Variants in STK11IP observed in about 807,000 individuals in gnomAD.
STK11IP encodes the protein serine/threonine kinase 11 interacting protein.
In STK11IP, 103 loss-of-function variants were observed where a neutral mutation model predicts 131.7. That is an observed-to-expected ratio of 0.78 (90% CI 0.67 to 0.92). The LOEUF (loss-of-function observed/expected upper bound fraction) is 0.92. Among genes scored for constraint, STK11IP ranks in the 40% least tolerant of loss-of-function variants. STK11IP has a pLI of 0.00. For missense variants in STK11IP, 1,315 were observed against 1,385.7 expected (o/e 0.95, Z 0.81); for synonymous variants, 557 against 575.6 (o/e 0.97, Z 0.46).
chr2:219,601,670 A>G lies in STK11IP; in HGVS notation c.297A>G (p.Thr99=), dbSNP rs1300989065. The G allele has an allele frequency of 1.3e-6, 2 of 1,599,902 alleles. No homozygotes were observed. Among genetic ancestry groups the G allele is most frequent in the Admixed American group, 1.7e-5 (1 of 57,934 alleles). Residue 99 remains threonine (T), a synonymous_variant, in exon 4 of 25, where the codon ACA becomes ACG. Transcript: ENST00000456909. Reference sequence around the variant, plus strand: ...TCCATGTTGCTGGTCCTGGCCCCACAGGGCCCATCAAGATTTTCCCCTTCA... The same window carrying G: ...TCCATGTTGCTGGTCCTGGCCCCACGGGGCCCATCAAGATTTTCCCCTTCA... ...KLVHVAGPGP[T]GPIKIFPFKS... is the part of the protein sequence containing the mutation.
At position 219,616,156 on chromosome 2, in the gene STK11IP, G is replaced by A. The variant is rs369526623; in HGVS notation, c.3230G>A (p.Arg1077Gln). Residue 1077 changes from arginine to glutamine, a missense_variant, in exon 25 of 25, where the codon CGG becomes CAG. By Grantham distance (43) the Arg-to-Gln change is conservative. Transcript: ENST00000456909. ...GAGGAGCTGTTTTCCATCGGACTCCGGACAGTGATCCAAGAGGCGCTGGCC... is the reference window on the plus strand; with the variant it reads ...GAGGAGCTGTTTTCCATCGGACTCCAGACAGTGATCCAAGAGGCGCTGGCC... ...PWEELFSIGLRTVIQEALALD... is the reference protein window; with the variant it reads ...PWEELFSIGLQTVIQEALALD... 8.7e-6 allele frequency: 14 copies of A among 1,613,704 alleles called. No homozygotes were observed. The highest frequency in any genetic ancestry group is 6.7e-5 in the East Asian group (3 of 44,872).
At chr2:219,614,999 G>A in intron 23 of STK11IP, 95 bp from the exon 24 acceptor site, 1 of 1,447,592 alleles carries the variant, frequency 6.9e-7, no homozygotes, top group Non-Finnish European at 9.2e-7. Context: ...TCAGAGTGTG[G>A]TTCACACCTC....
rs1424656314 is a variant in STK11IP, at chr2:219,613,120, T to TC, written c.2440-3dup. On this transcript the variant is annotated splice_region_variant and splice_polypyrimidine_tract_variant and intron_variant, in intron 19 of 24. Coordinates refer to ENST00000456909, the MANE Select transcript of STK11IP (RefSeq NM_052902.4). ...ATCAGGTTTCTCACCAACTTCCTCT[T>TC]CCCCCAGGTGCCAGTGGCATTGGCA... 3.1e-6 allele frequency: 5 copies of TC among 1,610,696 alleles called. No individual in the cohort carries two copies. Among genetic ancestry groups the TC allele is most frequent in the African/African-American group, 1.3e-5 (1 of 74,738 alleles).
intron 5 of STK11IP, 148 bp downstream of exon 5, chr2:219,602,231 T>A: frequency 1.5e-6 from 1 of 673,554 alleles, no homozygotes; most frequent in East Asian, 2.7e-5. Flanking sequence ...CCCGCAGCAC[T>A]CTGTAACTGC....
rs529181397 is a variant in STK11IP at position 219,606,690 on chromosome 2, C to G, written c.988-22C>G. The G allele has an allele frequency of 6.2e-5, 100 of 1,600,024 alleles. 1 individual carries two copies. In the African/African-American group the frequency reaches 1.2e-3, roughly 19 times the overall value. ...TGCTCCCAGGCTCCAACCTCTCTCT[C>G]CTTCCTGTCGTCACGTGCCAGACTC... is the stretch of plus-strand genomic sequence containing the variant. On this transcript the variant is annotated intron_variant, in intron 11 of 24. Coordinates refer to ENST00000456909, the MANE Select transcript of STK11IP (RefSeq NM_052902.4).
At chr2:219,605,864 T>A in intron 8 of STK11IP, 92 bp from the exon 9 acceptor site, 4 of 1,481,122 alleles carry the variant, frequency 2.7e-6, no homozygotes, top group Non-Finnish European at 3.7e-6. Flanking sequence ...CTCTGGCCGG[T>A]CTTTCTGCTG....
In STK11IP at chr2:219,601,453, G is replaced by A. The variant is rs1404297723; in HGVS notation, c.267+13G>A. On this transcript the variant is annotated intron_variant, in intron 3 of 24. Transcript: ENST00000456909. ...ACTTTCACTCAAGGTTCTGGGTGTG[G>A]GGAAGAGGCAGGATGTGCAAGGAGC... is the stretch of plus-strand genomic sequence containing the variant. 6.2e-7 allele frequency: 1 copy of A among 1,613,580 alleles called. No homozygotes were observed. The highest frequency in any genetic ancestry group is 8.5e-7 in the Non-Finnish European group (1 of 1,179,736).
At position 219,606,213 on chromosome 2, in the gene STK11IP, C is replaced by G. The variant is rs143390649; in HGVS notation, c.868C>G (p.Pro290Ala). 2.4e-5 allele frequency: 38 copies of G among 1,567,734 alleles called. No homozygotes were observed. The highest frequency in any genetic ancestry group is 3.5e-5 in the South Asian group (3 of 85,220). Residue 290 changes from proline (P) to alanine (A), a missense_variant, in exon 10 of 25, where the codon CCT (proline) becomes GCT (alanine). Physicochemically the swap from Pro to Ala is conservative, Grantham distance 27. Transcript: ENST00000456909. Reference sequence around the variant, plus strand: ...CCCTCAGCTCTACCTGGAGGGGAACCCTCTTTGGTTCCACCCTGAGCACCG... The same window carrying G: ...CCCTCAGCTCTACCTGGAGGGGAACGCTCTTTGGTTCCACCCTGAGCACCG... ...ELRKLYLEGN[P>A]LWFHPEHRAA...
At chr2:219,614,821 C>T in intron 23 of STK11IP, 1 of 635,924 alleles carries the variant, frequency 1.6e-6, no homozygotes, top group South Asian at 1.9e-5. Context: ...CTGAGTCGGC[C>T]CTGCCTCATC....
rs925123018 is a variant in STK11IP, at chr2:219,611,641, C to T, written c.2142C>T (p.His714=). ...PAVCPNCGSD[H]VVLLAVSRGT... ...TGTGTCCTAACTGTGGTAGTGACCA[C>T]GTGGTTCTCCTCGCTGTGTCTCGGG... Residue 714 remains histidine (H), a synonymous_variant, in exon 18 of 25, where the codon CAC becomes CAT. Coordinates refer to ENST00000456909, the MANE Select transcript of STK11IP (RefSeq NM_052902.4). The T allele has an allele frequency of 1.1e-5, 17 of 1,613,012 alleles. No individual in the cohort carries two copies. Among genetic ancestry groups the T allele is most frequent in the Non-Finnish European group, 1.4e-5 (16 of 1,179,866 alleles).
Position 219,613,735 on chromosome 2 carries a change from G to GT in STK11IP, c.2538-16dup. The stretch of plus-strand genomic sequence containing the variant: ...CACTCTCATGCTTCTCCATTGCTCT[G>GT]TCCCCTCTCTCCACAGTGAGCCTCC... On this transcript the variant is annotated splice_polypyrimidine_tract_variant and intron_variant, in intron 20 of 24. Transcript: ENST00000456909. 6.2e-7 allele frequency: 1 copy of GT among 1,612,226 alleles called. No individual in the cohort carries two copies. The highest frequency in any genetic ancestry group is 8.5e-7 in the Non-Finnish European group (1 of 1,179,558).
rs1274349947 is a variant in STK11IP, at chr2:219,608,595, G to C, written c.1616G>C (p.Arg539Pro). The C allele has an allele frequency of 6.3e-7, 1 of 1,596,104 alleles. No homozygotes were observed. The highest frequency in any genetic ancestry group is 1.7e-5 in the Admixed American group (1 of 58,102). Residue 539 changes from arginine to proline, a missense_variant, in exon 15 of 25, where the codon CGC becomes CCC. Transcript: ENST00000456909. ...DQKEVEAELC[R>P]PLLVCPLEGP... is the part of the protein sequence containing the mutation. ...GGTCTCTCCACAGCGGAACTCTGTC[G>C]CCCCTTGTTGGTGTGTCCCCTGGAG... is the stretch of plus-strand genomic sequence containing the variant.
Position 219,613,751 on chromosome 2 carries a change from G to A in STK11IP, c.2538-1G>A. The A allele has an allele frequency of 6.2e-7, 1 of 1,612,342 alleles. No individual in the cohort carries two copies. The highest frequency in any genetic ancestry group is 8.5e-7 in the Non-Finnish European group (1 of 1,179,608). On this transcript the variant is annotated splice_acceptor_variant, in intron 20 of 24. Coordinates refer to ENST00000456909, the MANE Select transcript of STK11IP (RefSeq NM_052902.4). LOFTEE classifies it high-confidence loss of function. ...CATTGCTCTGTCCCCTCTCTCCACAGTGAGCCTCCAGCTAGCTGGCTGCAG... is the reference window on the plus strand; with the variant it reads ...CATTGCTCTGTCCCCTCTCTCCACAATGAGCCTCCAGCTAGCTGGCTGCAG...
Position 219,611,817 on chromosome 2 carries a change from G to C in STK11IP, c.2318G>C (p.Ser773Thr). Residue 773 changes from serine (S) to threonine (T), a missense_variant, in exon 18 of 25, where the codon AGT (serine) becomes ACT (threonine). Coordinates refer to ENST00000456909, the MANE Select transcript of STK11IP (RefSeq NM_052902.4). ...PQAPSTRDHG[S>T]WSLSPPPERC... is the part of the protein sequence containing the mutation. ...GCACCGAGCACCCGTGACCATGGTA[G>C]TTGGAGCCTCAGTCCCCGTGAGTAT... The C allele has an allele frequency of 1.2e-6, 2 of 1,612,682 alleles. No homozygotes were observed. Among genetic ancestry groups the C allele is most frequent in the Non-Finnish European group, 1.7e-6 (2 of 1,179,632 alleles).
At chr2:219,608,999 C>A (rs1698298342) in intron 15 of STK11IP, 98 bp from the exon 16 acceptor site, 1 of 1,105,510 alleles carries the variant, frequency 9.0e-7, no homozygotes, top group Non-Finnish European at 1.3e-6. Context: ...CTTTGACAGG[C>A]TTCAGAGGTC....
intron 24 of STK11IP, 108 bp from the exon 25 acceptor site, chr2:219,615,936 A>G (rs1698556267): frequency 7.2e-7 from 1 of 1,383,316 alleles, no homozygotes; most frequent in African/African-American, 1.6e-5. Flanking sequence ...GGAAGGGGAG[A>G]GGCACTGAGC....
intron 7 of STK11IP, 105 bp from the exon 8 acceptor site, chr2:219,605,502 GT>G: frequency 8.3e-7 from 1 of 1,201,102 alleles, no homozygotes; most frequent in Non-Finnish European, 1.2e-6. Context: ...AGTGTGTGCA[GT>G]TTTATATAGG....
chr2:219,601,180 A>T, intron 2 of STK11IP, 55 bp from the exon 3 acceptor site: 1 of 1,480,424 alleles, frequency 6.8e-7, no homozygotes, highest in Non-Finnish European at 9.3e-7. Context: ...GCCTTAGAAT[A>T]AAGAGAAAAA....
intron 13 of STK11IP, among the ~76,000 whole-genome samples, chr2:219,607,589 T>G (rs966780188): frequency 1.3e-5 from 2 of 151,992 alleles, no homozygotes; most frequent in South Asian, 2.1e-4. Context: ...AGCCTGATAG[T>G]TCAAGGTTGC....
Sources: gnomAD v4.1 joint callset for allele counts (sites outside exome capture counted in the v4.1 genomes callset) on GRCh38, gnomAD v4.1.1 for gene constraint, MANE v1.5 for transcripts, NCBI Gene and HGNC (gene_info 2026-07-23, HGNC 2026-07-21) for gene names.